The following PAK5 variants were observed in gnomAD, a reference collection of about 807,000 sequenced individuals.
PAK5 encodes the protein serine/threonine-protein kinase PAK 5.
PAK5 carries 16 observed loss-of-function variants against 65.9 expected under a neutral mutation model. That is an observed-to-expected ratio of 0.24 (90% CI 0.16 to 0.37). PAK5 has a LOEUF of 0.37. Ranked by LOEUF, PAK5 falls within the 10% of genes least tolerant of loss-of-function variation. The probability of loss-of-function intolerance (pLI) is 1.00; values close to 1 mark genes in which losing one functional copy is unlikely to be tolerated. For missense variants in PAK5, 785 were observed against 903.9 expected (o/e 0.87, Z 1.69); for synonymous variants, 371 against 354.9 (o/e 1.05, Z -0.51).
At chr20:9,545,822 C>T (rs1028119890) in intron 7 of PAK5, among the ~76,000 whole-genome samples, 2 of 152,118 alleles carry the variant, frequency 1.3e-5, no homozygotes, top group African/African-American at 4.8e-5. Flanking sequence ...AAGCTGACCC[C>T]TTTCCTATCA....
chr20:9,643,061 C>T (rs1288508386), intron 3 of PAK5, among the ~76,000 whole-genome samples: 1 of 152,218 alleles, frequency 6.6e-6, no homozygotes, highest in Non-Finnish European at 1.5e-5. Flanking sequence ...TCTTTCTTTG[C>T]ATCCCTTTAA....
intron 1 of PAK5, among the ~76,000 whole-genome samples, chr20:9,749,979 G>C (rs559047998): frequency 6.6e-6 from 1 of 152,242 alleles, no homozygotes; most frequent in South Asian, 2.1e-4. Flanking sequence ...ATTTCATTAA[G>C]ACAAATTATC....
chr20:9,821,622 T>C (rs2049422226), intron 1 of PAK5, among the ~76,000 whole-genome samples: 1 of 152,162 alleles, frequency 6.6e-6, no homozygotes, highest in Non-Finnish European at 1.5e-5. Context: ...TGGGTTATTT[T>C]TGAGATCCTA....
chr20:9,606,770 T>C (rs1469280243), intron 3 of PAK5, among the ~76,000 whole-genome samples: 3 of 152,120 alleles, frequency 2.0e-5, no homozygotes, highest in Non-Finnish European at 4.4e-5. Context: ...TTTGTGAAAA[T>C]GTGTTGGGCT....
At chr20:9,628,384 A>C (rs2046876868) in intron 3 of PAK5, among the ~76,000 whole-genome samples, 1 of 152,178 alleles carries the variant, frequency 6.6e-6, no homozygotes, top group African/African-American at 2.4e-5. Flanking sequence ...CTCTTTGTAA[A>C]GTTACTATTT....
At chr20:9,588,442 G>A (rs1177596727) in intron 3 of PAK5, among the ~76,000 whole-genome samples, 3 of 152,168 alleles carry the variant, frequency 2.0e-5, no homozygotes, top group Admixed American at 6.5e-5. Context: ...GTGTTAATAA[G>A]CAGGGGGTTG....
chr20:9,648,408 T>C (rs2047161249), intron 2 of PAK5, among the ~76,000 whole-genome samples: 1 of 151,914 alleles, frequency 6.6e-6, no homozygotes, highest in South Asian at 2.1e-4. Context: ...ACTGGTCACA[T>C]AGGCACCCCT....
intron 1 of PAK5, among the ~76,000 whole-genome samples, chr20:9,768,970 T>A (rs891330471): frequency 3.3e-5 from 5 of 152,188 alleles, no homozygotes; most frequent in African/African-American, 1.2e-4. Flanking sequence ...AGTTTTGCTA[T>A]CTAATTGCCC....
intron 1 of PAK5, among the ~76,000 whole-genome samples, chr20:9,762,245 A>G (rs2048708290): frequency 6.6e-6 from 1 of 152,218 alleles, no homozygotes; most frequent in African/African-American, 2.4e-5. Flanking sequence ...AGGAAACAGA[A>G]GCAAAAATAA....
In PAK5 at chr20:9,644,266, A is replaced by C. The variant is rs1024480385; in HGVS notation, c.63T>G (p.Val21=). ...ISGPSNFEHR[V]HTGFDPQEQK... is the part of the protein sequence containing the mutation. ...GCTCTTGTGGATCAAACCCAGTATG[A>C]ACCCTGTGTTCAAAGTTGGACGGGC... Residue 21 remains valine (V), a synonymous_variant, in exon 3 of 10, where the codon GTT becomes GTG. Coordinates refer to ENST00000353224, the MANE Select transcript of PAK5 (RefSeq NM_177990.4). 1 of 1,607,144 alleles carries C rather than the reference A, an allele frequency of 6.2e-7. No individual in the cohort carries two copies. The highest frequency in any genetic ancestry group is 8.5e-7 in the Non-Finnish European group (1 of 1,177,948).
intron 7 of PAK5, among the ~76,000 whole-genome samples, chr20:9,551,610 A>C (rs2045429002): frequency 6.6e-6 from 1 of 152,208 alleles, no homozygotes; most frequent in Non-Finnish European, 1.5e-5. Flanking sequence ...TGTAAACTGC[A>C]TGCACTCTAA....
intron 4 of PAK5, among the ~76,000 whole-genome samples, chr20:9,569,626 G>A (rs1188292981): frequency 6.6e-6 from 1 of 152,182 alleles, no homozygotes; most frequent in African/African-American, 2.4e-5. Context: ...GTTGCTCATT[G>A]GATCTGGTGA....
chr20:9,662,920 C>G (rs2047366592), intron 2 of PAK5, among the ~76,000 whole-genome samples: 1 of 152,146 alleles, frequency 6.6e-6, no homozygotes, highest in Non-Finnish European at 1.5e-5. Context: ...TGTCAAACTC[C>G]TCTGGCTTTT....
chr20:9,644,244 C>T lies in PAK5; in HGVS notation c.85G>A (p.Glu29Lys), dbSNP rs567791252. The T allele has an allele frequency of 1.0e-5, 16 of 1,606,826 alleles. No homozygotes were observed. Among genetic ancestry groups the T allele is most frequent in the Non-Finnish European group, 1.2e-5 (14 of 1,177,694 alleles). ...TGGGGAAGGCCGGTAAACTTCTGCT[C>T]TTGTGGATCAAACCCAGTATGAACC... Reference protein sequence around the residue: ...HRVHTGFDPQEQKFTGLPQQW... With the variant: ...HRVHTGFDPQKQKFTGLPQQW... Residue 29 changes from glutamate to lysine, a missense_variant, in exon 3 of 10, where the codon GAG becomes AAG. Transcript: ENST00000353224.
Position 9,700,708 on chromosome 20 carries a change from T to C in PAK5, c.-12+10578A>G, listed in dbSNP as rs560483327. The stretch of plus-strand genomic sequence containing the variant: ...GCAAAAATACCTTAAGACAGAAAAG[T>C]CATTTTCCTTGACACAAAATAATCC... On this transcript the variant is annotated intron_variant, in intron 2 of 9. Transcript: ENST00000353224. Among the ~76,000 whole-genome samples, 5 of 152,194 alleles carry C rather than the reference T, an allele frequency of 3.3e-5. No homozygotes were observed. The South Asian group carries it at 1.0e-3, about 32-fold the overall frequency.
At chr20:9,748,907 G>A (rs1170773011) in intron 1 of PAK5, among the ~76,000 whole-genome samples, 3 of 152,112 alleles carry the variant, frequency 2.0e-5, no homozygotes, top group Admixed American at 6.6e-5. Flanking sequence ...ATGTTGAACA[G>A]CACAGCCCTA....
chr20:9,694,176 C>T (rs1409267131), intron 2 of PAK5, among the ~76,000 whole-genome samples: 2 of 151,830 alleles, frequency 1.3e-5, no homozygotes, highest in African/African-American at 2.4e-5. Flanking sequence ...CTGATAGCTG[C>T]AAAAAATCTT....
chr20:9,809,595 C>T (rs1243550766), intron 1 of PAK5, among the ~76,000 whole-genome samples: 1 of 152,078 alleles, frequency 6.6e-6, no homozygotes, highest in East Asian at 1.9e-4. Context: ...CTCAGGAGCT[C>T]TTTGTGCTGT....
At chr20:9,685,174 C>T (rs2047701419) in intron 2 of PAK5, among the ~76,000 whole-genome samples, 1 of 152,206 alleles carries the variant, frequency 6.6e-6, no homozygotes, top group Admixed American at 6.5e-5. Context: ...CATTTTCTAA[C>T]TGGGTAAACC....
Sources: gnomAD v4.1 joint callset for allele counts (sites outside exome capture counted in the v4.1 genomes callset) on GRCh38, gnomAD v4.1.1 for gene constraint, MANE v1.5 for transcripts, NCBI Gene and HGNC (gene_info 2026-07-23, HGNC 2026-07-21) for gene names.